UNC5C: variants seen among roughly 807,000 people sequenced by gnomAD.
UNC5C encodes the protein netrin receptor UNC5C.
UNC5C carries 47 observed loss-of-function variants against 99.8 expected under a neutral mutation model. That is an observed-to-expected ratio of 0.47 (90% CI 0.37 to 0.60). UNC5C has a LOEUF of 0.60. UNC5C is among the 20% of genes least tolerant of loss of function. The pLI is 0.00. For missense variants in UNC5C, 1,062 were observed against 1,165.9 expected (o/e 0.91, Z 1.30); for synonymous variants, 487 against 452.2 (o/e 1.08, Z -0.98).
At chr4:95,507,767 A>T (rs1218100723) in intron 1 of UNC5C, among the ~76,000 whole-genome samples, 12 of 151,888 alleles carry the variant, frequency 7.9e-5, no homozygotes, top group Admixed American at 7.9e-4. Flanking sequence ...CAAAACTCAG[A>T]CTCATCGTCT....
At chr4:95,221,774 T>C (rs946694383) in intron 7 of UNC5C, among the ~76,000 whole-genome samples, 1 of 152,204 alleles carries the variant, frequency 6.6e-6, no homozygotes, top group African/African-American at 2.4e-5. Context: ...TGGGTTTTAT[T>C]TGAGGCACTG....
chr4:95,546,677 C>G (rs933160940), intron 1 of UNC5C, among the ~76,000 whole-genome samples: 1 of 152,200 alleles, frequency 6.6e-6, no homozygotes, highest in African/African-American at 2.4e-5. Flanking sequence ...CAATCTTTAA[C>G]TTGCCTACGC....
intron 12 of UNC5C, among the ~76,000 whole-genome samples, chr4:95,190,677 G>A (rs924681985): frequency 1.3e-4 from 20 of 152,242 alleles, no homozygotes; most frequent in Non-Finnish European, 2.8e-4. Flanking sequence ...ACCCTCAAGA[G>A]TAGGTCATCA....
chr4:95,367,313 C>T (rs1047888714), intron 1 of UNC5C, among the ~76,000 whole-genome samples: 4 of 151,072 alleles, frequency 2.6e-5, no homozygotes, highest in Non-Finnish European at 5.9e-5. Context: ...GGATTATGGG[C>T]GTACACCACC....
chr4:95,541,024 G>A (rs1406139167), intron 1 of UNC5C, among the ~76,000 whole-genome samples: 1 of 152,058 alleles, frequency 6.6e-6, no homozygotes, highest in East Asian at 1.9e-4. Flanking sequence ...AAAGATATTA[G>A]AATTATTTAA....
intron 12 of UNC5C, among the ~76,000 whole-genome samples, chr4:95,192,527 T>G: frequency 7.6e-6 from 1 of 132,268 alleles, no homozygotes; most frequent in Non-Finnish European, 1.6e-5. Context: ...CCTCCTCCCC[T>G]GCTCATCTTC....
At chr4:95,438,386 T>C (rs556928198) in intron 1 of UNC5C, among the ~76,000 whole-genome samples, 2 of 152,244 alleles carry the variant, frequency 1.3e-5, no homozygotes, top group South Asian at 4.1e-4. Context: ...AAGATAACTT[T>C]CTGGGAACAG....
chr4:95,415,273 C>A lies in UNC5C; in HGVS notation c.125-79642G>T, dbSNP rs76468942. Among the ~76,000 whole-genome samples, 158 of 152,252 alleles carry A rather than the reference C, an allele frequency of 1.0e-3. 1 individual carries two copies. The East Asian group carries it at 0.018, about 17-fold the overall frequency. ...CCCTCCTACTTTCTTCTTTTAGTCA[C>A]AGCTTTCTACTTCAAAGTTCCCAAA... On this transcript the variant is annotated intron_variant, in intron 1 of 15. Coordinates refer to ENST00000453304, the MANE Select transcript of UNC5C (RefSeq NM_003728.4).
At chr4:95,394,189 A>T (rs1218077463) in intron 1 of UNC5C, among the ~76,000 whole-genome samples, 1 of 151,772 alleles carries the variant, frequency 6.6e-6, no homozygotes, top group Non-Finnish European at 1.5e-5. Context: ...GCTCAGCTTG[A>T]CTTCTGTACC....
intron 1 of UNC5C, among the ~76,000 whole-genome samples, chr4:95,390,530 G>C (rs943944563): frequency 3.3e-5 from 5 of 152,122 alleles, no homozygotes; most frequent in Non-Finnish European, 5.9e-5. Context: ...TCTGAATTGA[G>C]GTCCAAGTCC....
intron 1 of UNC5C, among the ~76,000 whole-genome samples, chr4:95,348,486 A>T (rs1432340357): frequency 1.3e-5 from 2 of 151,616 alleles, no homozygotes; most frequent in Non-Finnish European, 2.9e-5. Context: ...CACTAGTCAC[A>T]ATTGCCAAGA....
At chr4:95,300,873 C>T (rs1245527900) in intron 3 of UNC5C, among the ~76,000 whole-genome samples, 1 of 152,106 alleles carries the variant, frequency 6.6e-6, no homozygotes, top group Non-Finnish European at 1.5e-5. Flanking sequence ...ATAAGACCTA[C>T]TATTTGATAG....
chr4:95,456,142 G>C (rs1180146196), intron 1 of UNC5C, among the ~76,000 whole-genome samples: 1 of 152,010 alleles, frequency 6.6e-6, no homozygotes, highest in Non-Finnish European at 1.5e-5. Context: ...TATCTTTCGT[G>C]TGTATAATGG....
intron 2 of UNC5C, among the ~76,000 whole-genome samples, chr4:95,322,346 A>G (rs1299444600): frequency 6.6e-6 from 1 of 152,216 alleles, no homozygotes; most frequent in African/African-American, 2.4e-5. Flanking sequence ...CCAAATACAC[A>G]CTGTTGGTTT....
Position 95,219,093 on chromosome 4 carries a change from C to G in UNC5C, c.1521G>C (p.Gln507His), listed in dbSNP as rs2149367668. The G allele has an allele frequency of 1.2e-6, 2 of 1,614,172 alleles. No homozygotes were observed. The highest frequency in any genetic ancestry group is 1.6e-4 in the Middle Eastern group (1 of 6,062). Residue 507 changes from glutamine (Q) to histidine (H), a missense_variant, in exon 9 of 16, where the codon CAG (glutamine) becomes CAC (histidine). Gln to His is a conservative substitution (Grantham distance 24). Transcript: ENST00000453304. Reference protein sequence around the residue: ...FTSKLSPQMTQSLLENEALSL... With the variant: ...FTSKLSPQMTHSLLENEALSL... ...TGAGGGCTTCATTCTCCAACAACGA[C>G]TGGGTCATCTGAGGGGACAGCTTGG...
chr4:95,316,007 T>A (rs573410552), intron 2 of UNC5C, among the ~76,000 whole-genome samples: 1 of 152,284 alleles, frequency 6.6e-6, no homozygotes, highest in South Asian at 2.1e-4. Flanking sequence ...TCTGTCAGAT[T>A]TCAGTTGCAT....
chr4:95,400,384 C>CTTTTTTTTTTT lies in UNC5C; in HGVS notation c.125-64764_125-64754dup, dbSNP rs1171870515. Among the ~76,000 whole-genome samples, 32 of 65,792 alleles carry CTTTTTTTTTTT rather than the reference C, an allele frequency of 4.9e-4. 1 individual carries two copies. The highest frequency in any genetic ancestry group is 8.5e-4 in the Admixed American group (4 of 4,700). The allele number at this position is 65,792 out of a possible 152,430, so 43.2% of individuals were successfully genotyped here. ...TTCCACAGCCACAGTGAGATGAATT[C>CTTTTTTTTTTT]TTTTTTTTTTTTTTTTTTTTTTTTT... On this transcript the variant is annotated intron_variant, in intron 1 of 15. Transcript: ENST00000453304.
At chr4:95,260,213 C>T (rs200879245) in intron 4 of UNC5C, among the ~76,000 whole-genome samples, 9 of 152,216 alleles carry the variant, frequency 5.9e-5, no homozygotes, top group South Asian at 2.1e-4. Context: ...ATTTTAAAAA[C>T]GAATAATTGC....
At chr4:95,196,256 A>G (rs1247887930) in intron 12 of UNC5C, among the ~76,000 whole-genome samples, 1 of 152,182 alleles carries the variant, frequency 6.6e-6, no homozygotes, top group Non-Finnish European at 1.5e-5. Flanking sequence ...TTTTTCATTA[A>G]TCACCTGAAG....
Sources: gnomAD v4.1 joint callset for allele counts (sites outside exome capture counted in the v4.1 genomes callset) on GRCh38, gnomAD v4.1.1 for gene constraint, MANE v1.5 for transcripts, NCBI Gene and HGNC (gene_info 2026-07-23, HGNC 2026-07-21) for gene names.